Variants in TACC2 observed in about 807,000 individuals in gnomAD.
TACC2 encodes the protein transforming acidic coiled-coil containing protein 2.
In TACC2, 137 loss-of-function variants were observed where a neutral mutation model predicts 227.3. The observed-to-expected ratio is 0.60, with a 90% CI of 0.52 to 0.69. The LOEUF (loss-of-function observed/expected upper bound fraction) is 0.69, where lower values mean the gene tolerates loss of function less well. Among genes scored for constraint, TACC2 ranks in the 30% least tolerant of loss-of-function variants. The probability of loss-of-function intolerance (pLI) is 0.00; values close to 1 mark genes in which losing one functional copy is unlikely to be tolerated. For missense variants in TACC2, 3,470 were observed against 3,694.4 expected, an observed-to-expected ratio of 0.94 and a Z score of 1.57; for synonymous variants, 1,523 against 1,487.5, an observed-to-expected ratio of 1.02 and a Z score of -0.55.
At chr10:122,135,282 C>G (rs941075421) in intron 6 of TACC2, among the ~76,000 whole-genome samples, 3 of 152,160 alleles carry the variant, frequency 2.0e-5, no homozygotes, top group Non-Finnish European at 4.4e-5. Flanking sequence ...TGGTCTCTCT[C>G]TAGTCCAAGG....
chr10:121,997,052 C>A (rs1319861259), intron 1 of TACC2, among the ~76,000 whole-genome samples: 9 of 151,868 alleles, frequency 5.9e-5, no homozygotes, highest in Non-Finnish European at 1.2e-4. Context: ...GTGGAAAGAG[C>A]CTGGAGGTGG....
chr10:122,232,707 C>T (rs2095782192), intron 16 of TACC2, among the ~76,000 whole-genome samples: 1 of 152,154 alleles, frequency 6.6e-6, no homozygotes, highest in Admixed American at 6.5e-5. Context: ...CTGTAGCTAC[C>T]CAGCCCGAGG....
At chr10:122,222,704 G>A (rs920832522) in intron 11 of TACC2, among the ~76,000 whole-genome samples, 6 of 152,188 alleles carry the variant, frequency 3.9e-5, no homozygotes, top group African/African-American at 1.4e-4. Context: ...TTAGTGAGGC[G>A]AGCTGGTTAC....
chr10:122,019,479 C>T (rs980559755), intron 1 of TACC2, among the ~76,000 whole-genome samples: 8 of 152,222 alleles, frequency 5.3e-5, no homozygotes, highest in African/African-American at 1.9e-4. Flanking sequence ...TGAGAGGTTC[C>T]TGGCGCAAGG....
intron 5 of TACC2, among the ~76,000 whole-genome samples, chr10:122,110,354 C>T (rs543514098): frequency 6.6e-6 from 1 of 152,308 alleles, no homozygotes; most frequent in Admixed American, 6.5e-5. Flanking sequence ...TGGCAGTGCA[C>T]ATTTACTGTA....
chr10:122,210,542 C>T lies in TACC2; in HGVS notation c.6117C>T (p.Asp2039=), dbSNP rs1313678251. 1.2e-6 allele frequency: 2 copies of T among 1,614,072 alleles called. No individual in the cohort carries two copies. Among genetic ancestry groups the T allele is most frequent in the East Asian group, 2.2e-5 (1 of 44,894 alleles). ...PIASSGTYNL[D]FDNIELVDTF... is the part of the protein sequence containing the mutation. The stretch of plus-strand genomic sequence containing the variant: ...CCAGCAGTGGGACTTACAACTTGGA[C>T]TTTGACAACATTGAGCTTGTGGATA... The change falls in exon 9 of 23, where the codon GAC becomes GAT. Residue 2039 remains aspartate (D), a synonymous_variant. Transcript: ENST00000369005. The surrounding 1 kb of genome is among the most constrained non-coding windows in gnomAD (Gnocchi z 4.6).
intron 5 of TACC2, among the ~76,000 whole-genome samples, chr10:122,127,682 C>T (rs1246105321): frequency 1.3e-5 from 2 of 152,152 alleles, no homozygotes; most frequent in Non-Finnish European, 2.9e-5. Context: ...TTTATAGCCT[C>T]TTACAGTTGT....
chr10:122,017,982 A>C (rs1591095236), intron 1 of TACC2, among the ~76,000 whole-genome samples: 1 of 140,724 alleles, frequency 7.1e-6, no homozygotes, highest in East Asian at 2.0e-4. Flanking sequence ...GTAAAAGTAG[A>C]CCTCATTCGT....
At position 122,087,882 on chromosome 10, in the gene TACC2, C is replaced by T. The variant is rs746607621; in HGVS notation, c.5382C>T (p.Val1794=). ...PIPAGDGKVC[V]SSPPEPDETH... is the part of the protein sequence containing the mutation. ...CAGCTGGGGATGGGAAGGTGTGCGT[C>T]TCCTCACCTCCAGAGCCTGACGAAA... Residue 1794 remains valine, a synonymous_variant, in exon 4 of 23, where the codon GTC becomes GTT. Transcript: ENST00000369005. 2 of 1,518,210 alleles carry T rather than the reference C, an allele frequency of 1.3e-6. No homozygotes were observed. The highest frequency in any genetic ancestry group is 2.8e-5 in the African/African-American group (2 of 71,786). The allele number at this position is 1,518,210 out of a possible 1,614,324, so 94.0% of individuals were successfully genotyped here. A position where few individuals can be genotyped will look rare whatever the true frequency, so the allele number is the denominator to read the frequency against.
intron 1 of TACC2, among the ~76,000 whole-genome samples, chr10:122,014,922 T>C (rs1956387159): frequency 1.3e-5 from 2 of 152,164 alleles, no homozygotes; most frequent in African/African-American, 2.4e-5. Context: ...CCATGCTCTG[T>C]TATAAAACTA....
chr10:122,031,397 C>CTTTTTT (rs758476678), intron 2 of TACC2, among the ~76,000 whole-genome samples: 28 of 91,742 alleles, frequency 3.1e-4, no homozygotes, highest in African/African-American at 6.2e-4. Flanking sequence ...GGTCTAGCCT[C>CTTTTTT]TTTTTTTTTT....
intron 1 of TACC2, among the ~76,000 whole-genome samples, chr10:122,009,636 G>C (rs184616981): frequency 6.6e-6 from 1 of 152,158 alleles, no homozygotes; most frequent in African/African-American, 2.4e-5. Context: ...ATTATATAAT[G>C]GTTGTTATTG....
intron 6 of TACC2, among the ~76,000 whole-genome samples, chr10:122,139,973 C>T (rs964713442): frequency 2.6e-5 from 4 of 152,154 alleles, no homozygotes; most frequent in East Asian, 1.9e-4. Context: ...ATCTGCCTAG[C>T]GGGACTCAAA....
At chr10:122,047,487 C>T (rs2075156231) in intron 2 of TACC2, among the ~76,000 whole-genome samples, 1 of 152,098 alleles carries the variant, frequency 6.6e-6, no homozygotes, top group South Asian at 2.1e-4. Flanking sequence ...GCTCAGCCTG[C>T]AGGGAGGTCA....
intron 18 of TACC2, among the ~76,000 whole-genome samples, chr10:122,239,553 T>TC (rs1238931259): frequency 1.3e-5 from 2 of 152,220 alleles, no homozygotes; most frequent in African/African-American, 4.8e-5. Flanking sequence ...CTTTGTTTTT[T>TC]CTCTTATTTG....
At chr10:121,991,061 C>T (rs1953009027) in intron 1 of TACC2, among the ~76,000 whole-genome samples, 1 of 152,186 alleles carries the variant, frequency 6.6e-6, no homozygotes, top group African/African-American at 2.4e-5. Flanking sequence ...ACTGGAATTA[C>T]AGGTATGAGC....
chr10:121,994,287 T>A (rs1953177004), intron 1 of TACC2, among the ~76,000 whole-genome samples: 1 of 152,246 alleles, frequency 6.6e-6, no homozygotes, highest in African/African-American at 2.4e-5. Flanking sequence ...CCTTGTTTTT[T>A]TCTTCTTTTA....
At chr10:122,052,682 C>CAAAAAAAA (rs35294781) in intron 3 of TACC2, 1 of 133,838 alleles carries the variant, frequency 7.5e-6, no homozygotes, top group African/African-American at 2.9e-5. Flanking sequence ...GACTACGCCT[C>CAAAAAAAA]AAAAAAAAAA....
chr10:122,139,236 TGC>T lies in TACC2; in HGVS notation c.5700-4335_5700-4334del, dbSNP rs2090165077. 2.0e-5 allele frequency among the ~76,000 whole-genome samples: 3 copies of T among 152,358 alleles called. No individual in the cohort carries two copies. In the South Asian group the frequency reaches 6.2e-4, roughly 32 times the overall value. On this transcript the variant is annotated intron_variant, in intron 6 of 22. Transcript: ENST00000369005. ...TGTGAAGGTAAAGTGGATAGACGTG[TGC>T]CAGGGAAGAGCTGACCAGCCAGTTC... is the stretch of plus-strand genomic sequence containing the variant.
Sources: allele counts gnomAD v4.1 joint callset (sites outside exome capture counted in the v4.1 genomes callset), GRCh38; gene constraint gnomAD v4.1.1; non-coding constraint Gnocchi (gnomAD v3.1); transcripts MANE v1.5; gene names NCBI Gene and HGNC (gene_info 2026-07-23, HGNC 2026-07-21).